The following FGF12 variants were observed in gnomAD, a reference collection of about 807,000 sequenced individuals.
The protein encoded by FGF12 is fibroblast growth factor 12B.
FGF12 carries 14 observed loss-of-function variants against 23.6 expected under a neutral mutation model. The ratio of observed to expected loss-of-function variants is 0.59; its 90% CI spans 0.39 to 0.93. FGF12 has a LOEUF of 0.93. Ranked by LOEUF, FGF12 falls within the 40% of genes least tolerant of loss-of-function variation. FGF12 has a pLI of 0.00. For synonymous variants in FGF12, 62 were observed against 77.3 expected, an observed-to-expected ratio of 0.80 and a Z score of 1.04; for missense variants, 175 against 217.8, an observed-to-expected ratio of 0.80 and a Z score of 1.24.
At chr3:192,597,751 C>A (rs528592526) in intron 2 of FGF12, among the ~76,000 whole-genome samples, 2 of 152,284 alleles carry the variant, frequency 1.3e-5, no homozygotes, top group East Asian at 1.9e-4. Context: ...TTGCCAGTTA[C>A]GTGGATGACA....
At chr3:192,243,003 A>G (rs1290536066) in intron 4 of FGF12, among the ~76,000 whole-genome samples, 1 of 152,114 alleles carries the variant, frequency 6.6e-6, no homozygotes, top group Non-Finnish European at 1.5e-5. Flanking sequence ...CCTCTATTAT[A>G]TAGAAGATCA....
intron 2 of FGF12, among the ~76,000 whole-genome samples, chr3:192,608,246 G>A (rs904584401): frequency 1.1e-4 from 16 of 152,088 alleles, no homozygotes; most frequent in African/African-American, 3.9e-4. Context: ...GCACAGCAGA[G>A]TGACTACAGT....
rs558105871 is a variant in FGF12, at chr3:192,400,303, A to G, written c.14-39765T>C. 1.8e-4 allele frequency among the ~76,000 whole-genome samples: 28 copies of G among 152,182 alleles called. 1 individual carries two copies. The South Asian group carries it at 5.4e-3, about 29-fold the overall frequency. ...TCAAGAATAAAGTAAACAGCCTTAT[A>G]TATATGGGTATTGTAAAACCATTAA... On this transcript the variant is annotated intron_variant, in intron 2 of 5. Transcript: ENST00000445105.
At chr3:192,632,000 A>C (rs957089635) in intron 2 of FGF12, among the ~76,000 whole-genome samples, 1 of 152,214 alleles carries the variant, frequency 6.6e-6, no homozygotes, top group Non-Finnish European at 1.5e-5. Flanking sequence ...TCCATGTTAC[A>C]AAAGAACCCA....
At chr3:192,619,800 T>C (rs1325479082) in intron 2 of FGF12, among the ~76,000 whole-genome samples, 2 of 152,194 alleles carry the variant, frequency 1.3e-5, no homozygotes, top group African/African-American at 4.8e-5. Flanking sequence ...GTTAGACCTA[T>C]GTTTTCTTTT....
chr3:192,171,671 C>T (rs1263162802), intron 4 of FGF12, among the ~76,000 whole-genome samples: 1 of 152,200 alleles, frequency 6.6e-6, no homozygotes, highest in Non-Finnish European at 1.5e-5. Context: ...AAACAGGAGT[C>T]CTACATGTCA....
At chr3:192,623,642 G>A (rs953361387) in intron 2 of FGF12, among the ~76,000 whole-genome samples, 3 of 152,146 alleles carry the variant, frequency 2.0e-5, no homozygotes, top group South Asian at 2.1e-4. Context: ...TCTTTCATAC[G>A]TTTGCCTACA....
At chr3:192,339,754 T>G (rs190558908) in intron 3 of FGF12, among the ~76,000 whole-genome samples, 38 of 152,270 alleles carry the variant, frequency 2.5e-4, no homozygotes, top group African/African-American at 9.1e-4. Context: ...TGTGTATATT[T>G]CGGTAATGAT....
chr3:192,711,228 C>T (rs1718655840), intron 2 of FGF12, among the ~76,000 whole-genome samples: 1 of 145,246 alleles, frequency 6.9e-6, no homozygotes, highest in Non-Finnish European at 1.5e-5. Flanking sequence ...TAAATCCCGT[C>T]CGGGAGGGAG....
intron 4 of FGF12, among the ~76,000 whole-genome samples, chr3:192,291,772 T>A (rs1714770394): frequency 6.6e-6 from 1 of 151,984 alleles, no homozygotes; most frequent in Non-Finnish European, 1.5e-5. Context: ...AACAAATGAG[T>A]CATAGAAATA....
chr3:192,524,482 C>T (rs1724895882), intron 2 of FGF12, among the ~76,000 whole-genome samples: 1 of 152,112 alleles, frequency 6.6e-6, no homozygotes, highest in East Asian at 1.9e-4. Context: ...TGTCCTAATA[C>T]AAATGGTTGT....
At chr3:192,632,014 CAT>C (rs1715407106) in intron 2 of FGF12, among the ~76,000 whole-genome samples, 1 of 152,190 alleles carries the variant, frequency 6.6e-6, no homozygotes, top group Non-Finnish European at 1.5e-5. Context: ...GAACCCAACT[CAT>C]AGTTCTCTCA....
intron 4 of FGF12, among the ~76,000 whole-genome samples, chr3:192,246,656 T>A (rs1286941319): frequency 3.3e-5 from 5 of 151,650 alleles, no homozygotes; most frequent in Non-Finnish European, 5.9e-5. Context: ...AAACCCCATC[T>A]CTACTGAAAA....
At chr3:192,529,495 A>G (rs1417157010) in intron 2 of FGF12, among the ~76,000 whole-genome samples, 2 of 152,082 alleles carry the variant, frequency 1.3e-5, no homozygotes, top group Admixed American at 6.5e-5. Context: ...AACTGTTCCA[A>G]TCTCTGCCTG....
At chr3:192,531,869 G>T (rs1725097357) in intron 2 of FGF12, among the ~76,000 whole-genome samples, 1 of 152,094 alleles carries the variant, frequency 6.6e-6, no homozygotes, top group African/African-American at 2.4e-5. Context: ...TTTCTTGTTT[G>T]TTAGTTGTTT....
chr3:192,670,212 T>C (rs1254675024), intron 2 of FGF12, among the ~76,000 whole-genome samples: 1 of 152,284 alleles, frequency 6.6e-6, no homozygotes, highest in Middle Eastern at 3.4e-3. Context: ...ACTTATAAAA[T>C]ATAAAATAAT....
intron 3 of FGF12, among the ~76,000 whole-genome samples, chr3:192,356,013 G>A (rs981685907): frequency 6.6e-6 from 1 of 152,212 alleles, no homozygotes; most frequent in East Asian, 1.9e-4. Flanking sequence ...CCTGCTGGCT[G>A]TCAGGGACTG....
At chr3:192,246,994 GAGAA>G (rs1388862440) in intron 4 of FGF12, among the ~76,000 whole-genome samples, 19 of 144,712 alleles carry the variant, frequency 1.3e-4, no homozygotes, top group South Asian at 2.2e-4. Flanking sequence ...AAGGAAGGGA[GAGAA>G]AGAAAGAAAG....
chr3:192,146,811 T>C (rs1475279510), intron 5 of FGF12, among the ~76,000 whole-genome samples: 1 of 152,194 alleles, frequency 6.6e-6, no homozygotes, highest in Non-Finnish European at 1.5e-5. Context: ...GCCATCCTTA[T>C]ATTGAGCGGT....
Sources: allele counts gnomAD v4.1 joint callset (sites outside exome capture counted in the v4.1 genomes callset), GRCh38; gene constraint gnomAD v4.1.1; transcripts MANE v1.5; gene names NCBI Gene and HGNC (gene_info 2026-07-23, HGNC 2026-07-21).